RALGAPA1: variants seen among roughly 807,000 people sequenced by gnomAD.
RALGAPA1 encodes ral GTPase-activating protein subunit alpha-1.
In RALGAPA1, 52 loss-of-function variants were observed where a neutral mutation model predicts 269.6. The observed-to-expected ratio is 0.19, with a 90% CI of 0.15 to 0.24. RALGAPA1 has a LOEUF of 0.24. Ranked by LOEUF, RALGAPA1 falls within the 10% of genes least tolerant of loss-of-function variation. The pLI, the probability that RALGAPA1 is intolerant of heterozygous loss-of-function variation, is 1.00. For synonymous variants in RALGAPA1, 817 were observed against 1,008.3 expected (o/e 0.81, Z 3.60); for missense variants, 1,917 against 3,013.9 (o/e 0.64, Z 8.52).
chr14:35,763,685 GT>G (rs1242084667), intron 4 of RALGAPA1, among the ~76,000 whole-genome samples: 1 of 150,322 alleles, frequency 6.7e-6, no homozygotes, highest in African/African-American at 2.5e-5. Context: ...AAGACATTTG[GT>G]TTTTTTCAAA....
chr14:35,690,798 G>A (rs902401099), intron 17 of RALGAPA1, among the ~76,000 whole-genome samples: 2 of 152,122 alleles, frequency 1.3e-5, no homozygotes, highest in South Asian at 4.1e-4. Flanking sequence ...GGCTGGGCGC[G>A]GTGGCTCACA....
intron 31 of RALGAPA1, among the ~76,000 whole-genome samples, chr14:35,645,730 CAAAAA>C (rs59715478): frequency 3.3e-5 from 3 of 91,860 alleles, no homozygotes. Flanking sequence ...ACTCCATCTC[CAAAAA>C]AAAAAAAAAA....
chr14:35,733,504 C>CA (rs1205695334), intron 12 of RALGAPA1, among the ~76,000 whole-genome samples: 4 of 151,872 alleles, frequency 2.6e-5, no homozygotes, highest in Admixed American at 6.6e-5. Flanking sequence ...GCAAACGAAC[C>CA]AAAAAATTCT....
In RALGAPA1 at chr14:35,632,898, T is replaced by G. The variant is rs530819310; in HGVS notation, c.5995+1676A>C. 2.0e-5 allele frequency among the ~76,000 whole-genome samples: 3 copies of G among 152,270 alleles called. No individual in the cohort carries two copies. In the South Asian group the frequency reaches 6.2e-4, roughly 32 times the overall value. On this transcript the variant is annotated intron_variant, in intron 33 of 41. Transcript: ENST00000680220. ...ACCACATTAAAAAACACCCAGAGCA[T>G]GTAGTCACTACAGACCAGAGAATCA...
Position 35,684,623 on chromosome 14 carries a change from C to T in RALGAPA1, c.4294+306G>A, listed in dbSNP as rs116995117. ...AAAGTAGCTTCAACTTAAGGTGATT[C>T]CCTAAAACTTCCTTTGAAATTTCAC... On this transcript the variant is annotated intron_variant, in intron 20 of 41. Transcript: ENST00000680220. Among the ~76,000 whole-genome samples the T allele has an allele frequency of 8.3e-4, 126 of 152,152 alleles. 1 individual carries two copies. The East Asian group carries it at 0.021, about 25-fold the overall frequency.
chr14:35,655,041 C>T (rs1210953788), intron 29 of RALGAPA1, among the ~76,000 whole-genome samples: 2 of 152,054 alleles, frequency 1.3e-5, no homozygotes, highest in Non-Finnish European at 2.9e-5. Context: ...ATATTATATA[C>T]CCATTTAGTA....
Position 35,775,057 on chromosome 14 carries a change from TA to T in RALGAPA1, c.218-3del. On this transcript the variant is annotated splice_region_variant and splice_polypyrimidine_tract_variant and intron_variant, in intron 2 of 41. Transcript: ENST00000680220. ...ATTCCTCTCTTTGAGACTTGTGACC[TA>T]AAACATTTTTATAAGAAAACATTTA... 6.7e-7 allele frequency: 1 copy of T among 1,493,284 alleles called. No homozygotes were observed. Among genetic ancestry groups the T allele is most frequent in the Non-Finnish European group, 9.3e-7 (1 of 1,080,878 alleles). The allele number at this position is 1,493,284 out of a possible 1,614,324, so 92.5% of individuals were successfully genotyped here. A position where few individuals can be genotyped will look rare whatever the true frequency, so the allele number is the denominator to read the frequency against.
intron 13 of RALGAPA1, 43 bp downstream of exon 13, chr14:35,728,319 C>A (rs768384255): frequency 1.4e-6 from 2 of 1,462,034 alleles, no homozygotes; most frequent in Admixed American, 2.4e-5. Context: ...TACCTGTGTA[C>A]ACAATAAAAA....
At chr14:35,766,547 T>G in intron 4 of RALGAPA1, 1 of 944,380 alleles carries the variant, frequency 1.1e-6, no homozygotes, top group Admixed American at 1.8e-5. Context: ...CAGCATCGAG[T>G]ATAGCAAGAT....
rs540435977 is a variant in RALGAPA1 at position 35,721,656 on chromosome 14, G to A, written c.2266+32C>T. On this transcript the variant is annotated intron_variant, in intron 16 of 41. Coordinates refer to ENST00000680220, the MANE Select transcript of RALGAPA1 (RefSeq NM_001346249.2). ...CCAAGGACTATAAATGTAGTGCCCT[G>A]TACCATTCTCATGATTTTCAAGAGT... is the stretch of plus-strand genomic sequence containing the variant. The A allele has an allele frequency of 1.8e-4, 288 of 1,592,318 alleles. 2 individuals carry two copies. In the South Asian group the frequency reaches 3.0e-3, roughly 17 times the overall value.
chr14:35,711,621 G>T (rs770407729), intron 16 of RALGAPA1, among the ~76,000 whole-genome samples: 2 of 151,906 alleles, frequency 1.3e-5, no homozygotes, highest in Admixed American at 1.3e-4. Context: ...CTAATTTTTT[G>T]ATTTTTTTTG....
intron 17 of RALGAPA1, among the ~76,000 whole-genome samples, chr14:35,694,545 A>T (rs1264219879): frequency 6.6e-6 from 1 of 152,190 alleles, no homozygotes; most frequent in East Asian, 1.9e-4. Context: ...TTGTAATCAT[A>T]TGAAAAGACT....
chr14:35,562,824 A>G (rs929728043), intron 39 of RALGAPA1, among the ~76,000 whole-genome samples: 5 of 151,862 alleles, frequency 3.3e-5, no homozygotes, highest in African/African-American at 1.2e-4. Flanking sequence ...GATCGAGACC[A>G]TCCTGGCTAA....
chr14:35,639,509 A>G (rs10140454), intron 31 of RALGAPA1, among the ~76,000 whole-genome samples: 12,753 of 152,232 alleles, frequency 0.084, 777 homozygotes, highest in East Asian at 0.31. Flanking sequence ...AGGACAGACC[A>G]TATGTTAGGC....
intron 26 of RALGAPA1, 27 bp downstream of exon 26, chr14:35,671,362 T>G: frequency 2.6e-6 from 4 of 1,560,804 alleles, no homozygotes; most frequent in Non-Finnish European, 3.5e-6. Context: ...AAGTTTGTTA[T>G]ATGATAAGGA....
chr14:35,671,949 C>T (rs933516560), intron 25 of RALGAPA1, among the ~76,000 whole-genome samples: 11 of 152,166 alleles, frequency 7.2e-5, no homozygotes, highest in African/African-American at 2.7e-4. Context: ...AAACTGAAGT[C>T]CTTTAATGAT....
chr14:35,579,401 C>T (rs1047522023), intron 37 of RALGAPA1, among the ~76,000 whole-genome samples: 12 of 152,048 alleles, frequency 7.9e-5, no homozygotes, highest in Admixed American at 6.5e-4. Context: ...GAGGCTGAGG[C>T]GGGCAGATCA....
chr14:35,807,146 C>T (rs1203485147), intron 1 of RALGAPA1, among the ~76,000 whole-genome samples: 1 of 152,172 alleles, frequency 6.6e-6, no homozygotes, highest in Non-Finnish European at 1.5e-5. Flanking sequence ...TGGAACTCAA[C>T]TTTATAGCTG....
intron 5 of RALGAPA1, 54 bp downstream of exon 5, chr14:35,762,656 G>T: frequency 1.0e-6 from 1 of 955,664 alleles, no homozygotes; most frequent in Non-Finnish European, 1.7e-6. Flanking sequence ...TAACAGGTGG[G>T]ATGTATGTTC....
Sources: allele counts gnomAD v4.1 joint callset (sites outside exome capture counted in the v4.1 genomes callset), GRCh38; gene constraint gnomAD v4.1.1; transcripts MANE v1.5; gene names NCBI Gene and HGNC (gene_info 2026-07-23, HGNC 2026-07-21).